Variants in FER observed in about 807,000 individuals in gnomAD.
The protein encoded by FER is FER tyrosine kinase, also known as tyrosine-protein kinase Fer.
FER carries 63 observed loss-of-function variants against 111.0 expected under a neutral mutation model. The ratio of observed to expected loss-of-function variants is 0.57; its 90% CI spans 0.46 to 0.70. The LOEUF is 0.70. FER is among the 30% of genes least tolerant of loss of function. The pLI is 0.00. For synonymous variants in FER, 327 were observed against 313.9 expected (o/e 1.04, Z -0.44); for missense variants, 914 against 954.0 (o/e 0.96, Z 0.55).
At chr5:108,987,413 T>C (rs988391703) in intron 13 of FER, among the ~76,000 whole-genome samples, 1 of 151,952 alleles carries the variant, frequency 6.6e-6, no homozygotes, top group African/African-American at 2.4e-5. Flanking sequence ...GCCCTTGTAC[T>C]CCAGCCTGGG....
chr5:109,103,956 TA>T (rs1561898897), intron 17 of FER, among the ~76,000 whole-genome samples: 1 of 152,210 alleles, frequency 6.6e-6, no homozygotes. Context: ...CTTCAGAAAG[TA>T]AAAGGAGGAC....
At chr5:108,780,732 T>G (rs1753970435) in intron 2 of FER, among the ~76,000 whole-genome samples, 1 of 151,588 alleles carries the variant, frequency 6.6e-6, no homozygotes. Context: ...TTCTGTTCCT[T>G]TCTCTCATTC....
intron 12 of FER, among the ~76,000 whole-genome samples, chr5:108,958,488 C>G (rs75182996): frequency 1.4e-3 from 207 of 151,816 alleles, no homozygotes; most frequent in African/African-American, 4.7e-3. Context: ...CATATGACAA[C>G]CTACTCATAG....
At chr5:108,999,707 A>AT (rs35747458) in intron 13 of FER, among the ~76,000 whole-genome samples, 77,096 of 147,644 alleles carry the variant, frequency 0.52, 22,402 homozygotes, top group East Asian at 0.89. Context: ...CATTCTTACT[A>AT]TTTTTTTTTT....
intron 17 of FER, among the ~76,000 whole-genome samples, chr5:109,146,118 T>C (rs1429539165): frequency 6.7e-6 from 1 of 148,542 alleles, no homozygotes; most frequent in Non-Finnish European, 1.5e-5. Context: ...GTTTTCCATT[T>C]TAATTGTCTG....
chr5:108,835,462 C>T (rs186029628), intron 4 of FER, among the ~76,000 whole-genome samples: 131 of 152,074 alleles, frequency 8.6e-4, no homozygotes, highest in East Asian at 2.3e-3. Flanking sequence ...TGGTTACAGG[C>T]GTGAGCCACC....
chr5:108,957,877 G>A (rs951122971), intron 12 of FER, among the ~76,000 whole-genome samples: 2 of 151,562 alleles, frequency 1.3e-5, no homozygotes, highest in East Asian at 1.9e-4. Context: ...GACACTGAGA[G>A]ATCTTTCTCA....
chr5:109,154,090 C>G (rs1230739028), intron 17 of FER, among the ~76,000 whole-genome samples: 2 of 151,696 alleles, frequency 1.3e-5, no homozygotes, highest in African/African-American at 4.8e-5. Flanking sequence ...AAAAAAAACC[C>G]ATGCTGCTCG....
rs181181360 is a variant in FER at position 108,805,426 on chromosome 5, C to T, written c.207+7037C>T. 1.9e-3 allele frequency among the ~76,000 whole-genome samples: 285 copies of T among 152,084 alleles called. 1 individual carries two copies. The highest frequency in any genetic ancestry group is 6.2e-3 in the African/African-American group (256 of 41,472). On this transcript the variant is annotated intron_variant, in intron 3 of 19. Coordinates refer to ENST00000281092, the MANE Select transcript of FER (RefSeq NM_005246.4). ...GTAAATTGGTACCAGTAGAGTGGGG[C>T]GTTGCTAAAAAGCTACCTGAAAATG...
At chr5:108,908,720 CA>C (rs534004723) in intron 10 of FER, among the ~76,000 whole-genome samples, 6,059 of 69,660 alleles carry the variant, frequency 0.087, 338 homozygotes, top group African/African-American at 0.23. Flanking sequence ...GACTCCGTCT[CA>C]AAAAAAAAAA....
chr5:108,799,683 G>GTTAT (rs1756417143), intron 3 of FER, among the ~76,000 whole-genome samples: 1 of 151,922 alleles, frequency 6.6e-6, no homozygotes, highest in African/African-American at 2.4e-5. Context: ...TTCATCTGTG[G>GTTAT]GTATAAAGCC....
intron 2 of FER, among the ~76,000 whole-genome samples, chr5:108,795,041 A>G (rs113817484): frequency 5.7e-4 from 86 of 152,072 alleles, no homozygotes; most frequent in African/African-American, 1.6e-3. Context: ...TTTTGGCTGG[A>G]CATGGTGGCT....
intron 9 of FER, among the ~76,000 whole-genome samples, chr5:108,890,008 T>C (rs1244382832): frequency 6.6e-6 from 1 of 151,980 alleles, no homozygotes; most frequent in African/African-American, 2.4e-5. Context: ...TAAAATAATA[T>C]CACAACCCAG....
At chr5:109,035,220 A>G (rs1443955057) in intron 13 of FER, among the ~76,000 whole-genome samples, 1 of 151,872 alleles carries the variant, frequency 6.6e-6, no homozygotes, top group Non-Finnish European at 1.5e-5. Context: ...TTTAGTAGAG[A>G]TGGGGTTTCA....
intron 5 of FER, among the ~76,000 whole-genome samples, chr5:108,848,448 G>A (rs1022204093): frequency 6.6e-6 from 1 of 151,892 alleles, no homozygotes; most frequent in Non-Finnish European, 1.5e-5. Context: ...TTTTTCTGAA[G>A]ATTCTTATCT....
chr5:108,832,764 T>G lies in FER; in HGVS notation c.208-6T>G, dbSNP rs1760179732. 29 of 1,459,962 alleles carry G rather than the reference T, an allele frequency of 2.0e-5. No individual in the cohort carries two copies. Among genetic ancestry groups the G allele is most frequent in the Middle Eastern group, 3.7e-4 (2 of 5,400 alleles). 90.4% of individuals were successfully genotyped at this position (1,459,962 alleles called of 1,614,324 possible). A position where few individuals can be genotyped will look rare whatever the true frequency, so the allele number is the denominator to read the frequency against. ...AATGTTTGTTTCTTTTTTTTTTTTT[T>G]TTAAGTCTTGGCTACTTATGATTCA... On this transcript the variant is annotated splice_region_variant and splice_polypyrimidine_tract_variant and intron_variant, in intron 3 of 19. Coordinates refer to ENST00000281092, the MANE Select transcript of FER (RefSeq NM_005246.4).
At chr5:109,158,841 T>C (rs1404164581) in intron 17 of FER, among the ~76,000 whole-genome samples, 1 of 152,168 alleles carries the variant, frequency 6.6e-6, no homozygotes, top group Non-Finnish European at 1.5e-5. Flanking sequence ...TTTTCTGCCA[T>C]ATCTTAGAAT....
intron 5 of FER, among the ~76,000 whole-genome samples, chr5:108,842,057 A>T (rs571140031): frequency 3.2e-4 from 49 of 152,236 alleles, no homozygotes; most frequent in South Asian, 2.5e-3. Flanking sequence ...GATTTTTTTG[A>T]TGTTCTCTTT....
At chr5:109,055,620 A>G (rs919918888) in intron 16 of FER, among the ~76,000 whole-genome samples, 1 of 151,262 alleles carries the variant, frequency 6.6e-6, no homozygotes, top group African/African-American at 2.4e-5. Context: ...TCCTGTCTCT[A>G]TGACTTTTTT....
Sources: gnomAD v4.1 joint callset for allele counts (sites outside exome capture counted in the v4.1 genomes callset) on GRCh38, gnomAD v4.1.1 for gene constraint, MANE v1.5 for transcripts, NCBI Gene and HGNC (gene_info 2026-07-23, HGNC 2026-07-21) for gene names.